SV2B: variants seen among roughly 807,000 people sequenced by gnomAD.
SV2B encodes the protein synaptic vesicle glycoprotein 2B.
A neutral mutation model predicts 73.9 loss-of-function variants in SV2B; 41 were observed. The observed-to-expected ratio is 0.56, with a 90% CI of 0.43 to 0.72. The LOEUF is 0.72. SV2B is among the 30% of genes least tolerant of loss of function. SV2B has a pLI of 0.00. For synonymous variants in SV2B, 314 were observed against 314.2 expected, an observed-to-expected ratio of 1.00 and a Z score of 0.01; for missense variants, 764 against 857.8, an observed-to-expected ratio of 0.89 and a Z score of 1.37.
rs2046557844 is a variant in SV2B, at chr15:91,231,137, A to G, written c.451+4423A>G. Reference sequence around the variant, plus strand: ...TATGTAAAAAAAAAATCACCCGAAGAAATGATTAAACTTAGGAAGCTCAGG... The same window carrying G: ...TATGTAAAAAAAAAATCACCCGAAGGAATGATTAAACTTAGGAAGCTCAGG... On this transcript the variant is annotated intron_variant, in intron 2 of 12. Transcript: ENST00000394232. This position sits in a 1 kb window ranked among gnomAD's most constrained non-coding sequence, Gnocchi z 4.5. Among the ~76,000 whole-genome samples the G allele has an allele frequency of 6.6e-6, 1 of 152,146 alleles. No homozygotes were observed. The highest frequency in any genetic ancestry group is 2.4e-5 in the African/African-American group (1 of 41,420).
At chr15:91,200,368 A>G (rs1055733291) in intron 1 of SV2B, among the ~76,000 whole-genome samples, 2 of 152,226 alleles carry the variant, frequency 1.3e-5, no homozygotes, top group Admixed American at 6.5e-5. Context: ...ATGTTCAAAT[A>G]TAATTAGAAG....
At chr15:91,272,766 TCA>T (rs2048356303) in intron 9 of SV2B, among the ~76,000 whole-genome samples, 1 of 150,010 alleles carries the variant, frequency 6.7e-6, no homozygotes, top group Non-Finnish European at 1.5e-5. Flanking sequence ...CTGTCACGCA[TCA>T]CACTGAAATG....
chr15:91,291,023 A>G (rs902597833), intron 12 of SV2B, among the ~76,000 whole-genome samples: 1 of 150,220 alleles, frequency 6.7e-6, no homozygotes, highest in African/African-American at 2.4e-5. Context: ...CAGAAAATGT[A>G]TATATTTATG....
chr15:91,166,441 C>A (rs1027135290), intron 1 of SV2B, among the ~76,000 whole-genome samples: 7 of 151,818 alleles, frequency 4.6e-5, no homozygotes, highest in African/African-American at 1.7e-4. Flanking sequence ...TGAGTTTATC[C>A]TATTTGAGTT....
intron 1 of SV2B, among the ~76,000 whole-genome samples, chr15:91,168,201 C>T (rs1267282493): frequency 6.6e-6 from 1 of 151,790 alleles, no homozygotes; most frequent in African/African-American, 2.4e-5. Flanking sequence ...TCCCAGAGTC[C>T]CTTTATCTTG....
chr15:91,176,186 G>A (rs2044301683), intron 1 of SV2B, among the ~76,000 whole-genome samples: 2 of 151,942 alleles, frequency 1.3e-5, no homozygotes, highest in Middle Eastern at 3.2e-3. Flanking sequence ...GATGATTTCT[G>A]ATTTCATCCA....
intron 1 of SV2B, among the ~76,000 whole-genome samples, chr15:91,142,528 G>C (rs1222877977): frequency 6.6e-6 from 1 of 152,180 alleles, no homozygotes; most frequent in Non-Finnish European, 1.5e-5. Flanking sequence ...TAGATCAGGA[G>C]ATATTTAAGA....
intron 1 of SV2B, among the ~76,000 whole-genome samples, chr15:91,217,433 A>G (rs1156617736): frequency 6.6e-6 from 1 of 151,780 alleles, no homozygotes; most frequent in African/African-American, 2.4e-5. Context: ...GGGGAGGGGG[A>G]AGGGATAGCA....
At chr15:91,218,998 G>A (rs2046128004) in intron 1 of SV2B, among the ~76,000 whole-genome samples, 2 of 151,884 alleles carry the variant, frequency 1.3e-5, no homozygotes, top group South Asian at 4.2e-4. Context: ...GAGTGCAGTG[G>A]CATGCTCACA....
At chr15:91,158,732 TC>T (rs2043603661) in intron 1 of SV2B, among the ~76,000 whole-genome samples, 1 of 56,264 alleles carries the variant, frequency 1.8e-5, no homozygotes, top group Non-Finnish European at 3.5e-5. Flanking sequence ...TCCTCTCTTC[TC>T]CTCTTTTTTC....
chr15:91,262,531 G>A (rs1050757431), intron 6 of SV2B, among the ~76,000 whole-genome samples: 9 of 152,048 alleles, frequency 5.9e-5, no homozygotes, highest in African/African-American at 1.9e-4. Context: ...TGTGTCACGG[G>A]GGTTTGTTGT....
rs915124964 is a variant in SV2B at position 91,254,234 on chromosome 15, C to T, written c.784+1714C>T. 9.0e-4 allele frequency among the ~76,000 whole-genome samples: 114 copies of T among 127,278 alleles called. 1 individual carries two copies. The highest frequency in any genetic ancestry group is 3.1e-3 in the African/African-American group (106 of 33,856). The allele number at this position is 127,278 out of a possible 152,430, so 83.5% of individuals were successfully genotyped here. ...GAATACTAAGGGATTATTTTCACTTCTTTTTTTTTTTTTTTTTTCTGAGAC... is the reference window on the plus strand; with the variant it reads ...GAATACTAAGGGATTATTTTCACTTTTTTTTTTTTTTTTTTTTTCTGAGAC... On this transcript the variant is annotated intron_variant, in intron 4 of 12. Transcript: ENST00000394232.
chr15:91,263,988 A>G (rs146786192), intron 6 of SV2B, among the ~76,000 whole-genome samples: 2 of 152,362 alleles, frequency 1.3e-5, no homozygotes, highest in Non-Finnish European at 2.9e-5. Context: ...GCAGTTATTA[A>G]CAGATTTATT....
chr15:91,286,454 A>C (rs927957978), intron 11 of SV2B, among the ~76,000 whole-genome samples: 2 of 152,166 alleles, frequency 1.3e-5, no homozygotes, highest in African/African-American at 4.8e-5. Context: ...ACATTTATTT[A>C]TGCAGTAGTT....
chr15:91,171,048 G>A (rs958515867), intron 1 of SV2B, among the ~76,000 whole-genome samples: 4 of 152,194 alleles, frequency 2.6e-5, no homozygotes, highest in African/African-American at 9.7e-5. Context: ...GCTCAGAGAG[G>A]TGAAGTCTTG....
In SV2B at chr15:91,234,348, A is replaced by G. The variant is rs535208118; in HGVS notation, c.451+7634A>G. On this transcript the variant is annotated intron_variant, in intron 2 of 12. Coordinates refer to ENST00000394232, the MANE Select transcript of SV2B (RefSeq NM_001323032.3). This position sits in a 1 kb window ranked among gnomAD's most constrained non-coding sequence, Gnocchi z 5.6. ...CTGTGCTCTCTGGAACAGACCTTAC[A>G]GTGTGGACTGTAGTCATGGAGTTGC... Among the ~76,000 whole-genome samples the G allele has an allele frequency of 6.6e-6, 1 of 152,178 alleles. No individual in the cohort carries two copies. Among genetic ancestry groups the G allele is most frequent in the African/African-American group, 2.4e-5 (1 of 41,444 alleles).
intron 1 of SV2B, among the ~76,000 whole-genome samples, chr15:91,181,852 G>T (rs12594296): frequency 6.6e-6 from 1 of 151,196 alleles, no homozygotes; most frequent in African/African-American, 2.4e-5. Flanking sequence ...CTGGTCTCTT[G>T]AAACCAGAAA....
In SV2B at chr15:91,292,506, T is replaced by C. The variant is rs748788705; in HGVS notation, c.2006T>C (p.Leu669Pro). The part of the protein sequence containing the change: ...LAAASLVGGG[L>P]IALRLPETRE... Reference sequence around the variant, plus strand: ...GCTGCTTCTCTGGTTGGGGGTGGCCTGATTGCCCTTCGACTGCCAGAGACT... The same window carrying C: ...GCTGCTTCTCTGGTTGGGGGTGGCCCGATTGCCCTTCGACTGCCAGAGACT... Residue 669 changes from leucine (L) to proline (P), a missense_variant, in exon 13 of 13, where the codon CTG becomes CCG. Coordinates refer to ENST00000394232, the MANE Select transcript of SV2B (RefSeq NM_001323032.3). The C allele has an allele frequency of 6.2e-7, 1 of 1,614,158 alleles. No homozygotes were observed. The highest frequency in any genetic ancestry group is 1.7e-5 in the Admixed American group (1 of 60,026).
intron 2 of SV2B, among the ~76,000 whole-genome samples, chr15:91,243,415 T>A (rs1278033282): frequency 4.6e-5 from 7 of 152,222 alleles, no homozygotes; most frequent in African/African-American, 2.4e-5. Context: ...CCTCAGGGAA[T>A]CTGTCTTAAT....
Sources: gnomAD v4.1 joint callset for allele counts (sites outside exome capture counted in the v4.1 genomes callset) on GRCh38, gnomAD v4.1.1 for gene constraint, Gnocchi (gnomAD v3.1) non-coding constraint, MANE v1.5 for transcripts, NCBI Gene and HGNC (gene_info 2026-07-23, HGNC 2026-07-21) for gene names.